Variants in TRERF1 observed in about 807,000 individuals in gnomAD.
TRERF1 encodes transcriptional regulating factor 1, also known as transcriptional-regulating factor 1.
Under a neutral mutation model 122.9 loss-of-function variants are expected in TRERF1, and 27 were observed. That is an observed-to-expected ratio of 0.22 (90% CI 0.16 to 0.30). TRERF1 has a LOEUF of 0.30. Among genes scored for constraint, TRERF1 ranks in the 10% least tolerant of loss-of-function variants. The pLI, the probability that TRERF1 is intolerant of heterozygous loss-of-function variation, is 1.00. For synonymous variants in TRERF1, 636 were observed against 641.7 expected (o/e 0.99, Z 0.13); for missense variants, 1,248 against 1,560.3 (o/e 0.80, Z 3.37).
intron 2 of TRERF1, among the ~76,000 whole-genome samples, chr6:42,410,974 G>A (rs770298269): frequency 2.6e-5 from 4 of 152,212 alleles, no homozygotes; most frequent in African/African-American, 7.2e-5. Context: ...CTCCTGTCTG[G>A]AGAGATGCTG....
In TRERF1 at chr6:42,262,535, G is replaced by C. The variant is rs867964516; in HGVS notation, c.1884+785C>G. ...AGAGAGAGAGAGAGAGAGAGAGAGA[G>C]AGAGAGAGAGAGAGAGAGAGAGAGA... On this transcript the variant is annotated intron_variant, in intron 8 of 17. Transcript: ENST00000372922. Among the ~76,000 whole-genome samples the C allele has an allele frequency of 2.7e-3, 171 of 63,448 alleles. 13 individuals carry two copies. The highest frequency in any genetic ancestry group is 0.018 in the South Asian group (22 of 1,216). 41.6% of individuals were successfully genotyped at this position (63,448 alleles called of 152,430 possible). A position where few individuals can be genotyped will look rare whatever the true frequency, so the allele number is the denominator to read the frequency against.
At chr6:42,443,112 A>G (rs894072328) in intron 2 of TRERF1, among the ~76,000 whole-genome samples, 3 of 152,204 alleles carry the variant, frequency 2.0e-5, no homozygotes, top group African/African-American at 7.2e-5. Flanking sequence ...TCTCTCTATG[A>G]AACCAAATTG....
At chr6:42,368,644 G>A (rs1407747430) in intron 2 of TRERF1, among the ~76,000 whole-genome samples, 1 of 152,102 alleles carries the variant, frequency 6.6e-6, no homozygotes, top group African/African-American at 2.4e-5. Context: ...AAATAGAGAT[G>A]GCCCCAGGAC....
rs1032227786 is a variant in TRERF1, at chr6:42,232,137, T to A, written c.3278+544A>T. Among the ~76,000 whole-genome samples the A allele has an allele frequency of 2.6e-5, 4 of 152,256 alleles. No individual in the cohort carries two copies. Among genetic ancestry groups the A allele is most frequent in the African/African-American group, 9.6e-5 (4 of 41,472 alleles). ...TTTTATTTCATGTGTCAACTCTGAT[T>A]AATTGGTTGTGCAGCTTGAAGCATG... On this transcript the variant is annotated intron_variant, in intron 17 of 17. Transcript: ENST00000372922. This position sits in a 1 kb window ranked among gnomAD's most constrained non-coding sequence, Gnocchi z 4.5.
At chr6:42,370,209 A>G (rs1773516347) in intron 2 of TRERF1, among the ~76,000 whole-genome samples, 1 of 152,172 alleles carries the variant, frequency 6.6e-6, no homozygotes, top group Admixed American at 6.5e-5. Context: ...AATCACACAT[A>G]CACACATACA....
chr6:42,438,492 C>T (rs577809873), intron 2 of TRERF1, among the ~76,000 whole-genome samples: 7 of 151,504 alleles, frequency 4.6e-5, no homozygotes, highest in Non-Finnish European at 5.9e-5. Flanking sequence ...CACCTGTAGT[C>T]CCAGCTACTT....
intron 2 of TRERF1, among the ~76,000 whole-genome samples, chr6:42,384,661 T>C (rs1021080836): frequency 3.9e-5 from 6 of 152,218 alleles, no homozygotes; most frequent in Admixed American, 2.6e-4. Context: ...TCTAAGTAAC[T>C]GATCTAGTTC....
chr6:42,228,237 A>T lies in TRERF1; in HGVS notation c.*108T>A. The T allele has an allele frequency of 3.1e-6, 3 of 969,080 alleles. No homozygotes were observed. Among genetic ancestry groups the T allele is most frequent in the African/African-American group, 1.6e-5 (1 of 60,956 alleles). 60.0% of individuals were successfully genotyped at this position (969,080 alleles called of 1,614,324 possible). On this transcript the variant is annotated 3_prime_UTR_variant, in exon 18 of 18. Transcript: ENST00000372922. This position sits in a 1 kb window ranked among gnomAD's most constrained non-coding sequence, Gnocchi z 4.2. Reference sequence around the variant, plus strand: ...AAACCTGAATAAAATGACCACTTTTAAAACAGGTAGTTTAAAAGGGTTACA... The same window carrying T: ...AAACCTGAATAAAATGACCACTTTTTAAACAGGTAGTTTAAAAGGGTTACA...
At position 42,269,490 on chromosome 6, in the gene TRERF1, T is replaced by C. The variant is rs1203521280; in HGVS notation, c.101A>G (p.His34Arg). 30 of 1,614,092 alleles carry C rather than the reference T, an allele frequency of 1.9e-5. No individual in the cohort carries two copies. The highest frequency in any genetic ancestry group is 2.5e-5 in the Non-Finnish European group (29 of 1,180,034). ...CCCTGTAACTGCATTCCCATAGTTG[T>C]GGTTCAGCCCGCTGTGGACGCCAAG... Residue 34 changes from histidine (H) to arginine (R), a missense_variant, in exon 5 of 18, where the codon CAC becomes CGC. His to Arg is a conservative substitution (Grantham distance 29). This residue lies in a region of TRERF1 where 946 missense variants were observed against 1,073.0 expected (regional missense o/e 0.88). Coordinates refer to ENST00000372922, the Ensembl canonical transcript of TRERF1. The surrounding 1 kb of genome is among the most constrained non-coding windows in gnomAD (Gnocchi z 4.9).
At chr6:42,333,224 A>G (rs761604904) in intron 3 of TRERF1, among the ~76,000 whole-genome samples, 4 of 152,210 alleles carry the variant, frequency 2.6e-5, no homozygotes, top group Non-Finnish European at 4.4e-5. Context: ...ATGAAAATGT[A>G]TCTCAATTTT....
intron 2 of TRERF1, among the ~76,000 whole-genome samples, chr6:42,442,534 A>G (rs1356187500): frequency 6.6e-6 from 1 of 152,244 alleles, no homozygotes; most frequent in African/African-American, 2.4e-5. Context: ...ACAGTAGGAC[A>G]CAGATGGCAA....
intron 3 of TRERF1, among the ~76,000 whole-genome samples, chr6:42,309,116 C>T (rs960442237): frequency 6.6e-6 from 1 of 152,098 alleles, no homozygotes; most frequent in African/African-American, 2.4e-5. Context: ...AAAAGAACAA[C>T]CTGGGTGACT....
At chr6:42,327,845 A>T (rs553718011) in intron 3 of TRERF1, among the ~76,000 whole-genome samples, 3 of 152,122 alleles carry the variant, frequency 2.0e-5, no homozygotes, top group African/African-American at 7.2e-5. Flanking sequence ...ACAGCAGGGC[A>T]GGCAGAAGGC....
At chr6:42,257,065 G>A in exon 11 of TRERF1, 4 of 1,614,158 alleles carry the variant, frequency 2.5e-6, no homozygotes, top group Non-Finnish European at 3.4e-6. Flanking sequence ...TGGAGTTCAG[G>A]GATTTCTGCT....
rs200270446 is a variant in TRERF1, at chr6:42,257,101, G to A, written c.2338C>T (p.Arg780Cys). The stretch of plus-strand genomic sequence containing the variant: ...TGGAATCTCAAGCCAATGTTGATGC[G>A]TCTTTAAATGACAAGAAGAAAAACA... Residue 780 changes from arginine to cysteine, a missense_variant and splice_region_variant, in exon 11 of 18, where the codon CGC becomes TGC. This residue lies in a region of TRERF1 where 946 missense variants were observed against 1,073.0 expected (regional missense o/e 0.88). Coordinates refer to ENST00000372922, the Ensembl canonical transcript of TRERF1. 4.8e-5 allele frequency: 78 copies of A among 1,613,916 alleles called. No individual in the cohort carries two copies. In the East Asian group the frequency reaches 1.6e-3, roughly 32 times the overall value.
chr6:42,431,924 T>C (rs1475833750), intron 2 of TRERF1, among the ~76,000 whole-genome samples: 1 of 152,182 alleles, frequency 6.6e-6, no homozygotes, highest in East Asian at 1.9e-4. Context: ...AACAGAAGAC[T>C]GAGGAAGCCC....
At chr6:42,257,101 G>T in exon 11 of TRERF1, 5 of 1,613,916 alleles carry the variant, frequency 3.1e-6, no homozygotes, top group Non-Finnish European at 4.2e-6. Context: ...ATGTTGATGC[G>T]TCTTTAAATG....
intron 2 of TRERF1, among the ~76,000 whole-genome samples, chr6:42,402,420 G>A (rs991205655): frequency 6.6e-6 from 1 of 152,146 alleles, no homozygotes; most frequent in African/African-American, 2.4e-5. Context: ...CGGGTGCAGG[G>A]CTGTGAGCCT....
At chr6:42,262,256 A>T (rs894125138) in intron 8 of TRERF1, among the ~76,000 whole-genome samples, 1 of 151,528 alleles carries the variant, frequency 6.6e-6, no homozygotes, top group African/African-American at 2.4e-5. Context: ...TTTTTTCTGT[A>T]CTTTTCTAGT....
Sources: allele counts gnomAD v4.1 joint callset (sites outside exome capture counted in the v4.1 genomes callset), GRCh38; gene constraint gnomAD v4.1.1; regional missense constraint gnomAD v4.1.1; non-coding constraint Gnocchi (gnomAD v3.1); transcripts MANE v1.5; gene names NCBI Gene and HGNC (gene_info 2026-07-23, HGNC 2026-07-21).